The following PBRM1 variants were observed in gnomAD, a reference collection of about 807,000 sequenced individuals.
PBRM1 encodes the protein protein polybromo-1.
In PBRM1, 27 loss-of-function variants were observed where a neutral mutation model predicts 194.5. The observed-to-expected ratio is 0.14, with a 90% CI of 0.10 to 0.19. The LOEUF (loss-of-function observed/expected upper bound fraction) is 0.19, where lower values mean the gene tolerates loss of function less well. PBRM1 is among the 10% of genes least tolerant of loss of function. PBRM1 has a pLI of 1.00. For missense variants in PBRM1, 1,466 were observed against 2,077.2 expected, an observed-to-expected ratio of 0.71 and a Z score of 5.72; for synonymous variants, 655 against 693.2, an observed-to-expected ratio of 0.94 and a Z score of 0.87.
At chr3:52,683,723 CACGAGAATTGCTTGA>C (rs2097255062), upstream of PBRM1, among the ~76,000 whole-genome samples, 1 of 151,002 alleles carries the variant, frequency 6.6e-6, no homozygotes, top group Admixed American at 6.6e-5. Flanking sequence ...GAGGGTGAGG[CACGAGAATTGCTTGA>C]ACCAGAGAGG....
chr3:52,642,788 AT>A lies in PBRM1; in HGVS notation c.995+459del, dbSNP rs879552929. 6.9e-3 allele frequency among the ~76,000 whole-genome samples: 965 copies of A among 139,826 alleles called. 4 individuals are homozygous for A. Among genetic ancestry groups the A allele is most frequent in the South Asian group, 0.024 (104 of 4,354 alleles). 91.7% of individuals were successfully genotyped at this position (139,826 alleles called of 152,430 possible). A position where few individuals can be genotyped will look rare whatever the true frequency, so the allele number is the denominator to read the frequency against. On this transcript the variant is annotated intron_variant, in intron 9 of 29. Transcript: ENST00000296302. ...ATATAAGGCCTACGTTAGTAATTCA[AT>A]TTTTTTTTTTTTTTTGAGATGGAGT...
Position 52,587,527 on chromosome 3 carries a change from G to T in PBRM1, c.2966-17C>A. 1 of 1,564,208 alleles carries T rather than the reference G, an allele frequency of 6.4e-7. No individual in the cohort carries two copies. Among genetic ancestry groups the T allele is most frequent in the Non-Finnish European group, 8.7e-7 (1 of 1,152,906 alleles). On this transcript the variant is annotated splice_polypyrimidine_tract_variant and intron_variant, in intron 18 of 29. Coordinates refer to ENST00000296302, the Ensembl canonical transcript of PBRM1. The stretch of plus-strand genomic sequence containing the variant: ...ATTTTTCACCTCAAAAATGGGGGGT[G>T]GGGGAAGGGGAAGAGAAAGAGAATC...
At chr3:52,594,977 T>C (rs1213997026) in intron 17 of PBRM1, among the ~76,000 whole-genome samples, 1 of 151,278 alleles carries the variant, frequency 6.6e-6, no homozygotes, top group Non-Finnish European at 1.5e-5. Flanking sequence ...AGGTGACCTG[T>C]CATTTTTTTC....
intron 6 of PBRM1, among the ~76,000 whole-genome samples, chr3:52,651,105 T>C (rs751340895): frequency 1.3e-4 from 20 of 152,272 alleles, no homozygotes; most frequent in Admixed American, 1.0e-3. Flanking sequence ...ATGGGAATAA[T>C]AACAATACTA....
chr3:52,566,821 C>T (rs115095226), intron 22 of PBRM1, among the ~76,000 whole-genome samples: 298 of 152,288 alleles, frequency 2.0e-3, no homozygotes, highest in Admixed American at 2.8e-3. Context: ...GTAATCCTAG[C>T]ACTTTGGGAG....
intron 13 of PBRM1, chr3:52,624,922 TCTCA>T: frequency 6.5e-7 from 1 of 1,548,372 alleles, no homozygotes; most frequent in Non-Finnish European, 8.7e-7. Context: ...AGACCCAACA[TCTCA>T]CTGTCATGAG....
At chr3:52,614,510 A>G (rs1183735504) in intron 15 of PBRM1, among the ~76,000 whole-genome samples, 1 of 151,622 alleles carries the variant, frequency 6.6e-6, no homozygotes, top group Non-Finnish European at 1.5e-5. Flanking sequence ...AAGAAGACAG[A>G]AATCTCTTAT....
At chr3:52,642,130 G>C (rs1025341754) in intron 9 of PBRM1, 85 bp from the exon 11 acceptor site, 2 of 751,758 alleles carry the variant, frequency 2.7e-6, no homozygotes, top group Admixed American at 4.4e-5. Context: ...TATTAACAAA[G>C]TGTTAAGATG....
chr3:52,654,306 C>T (rs181026626), intron 5 of PBRM1, among the ~76,000 whole-genome samples: 122 of 152,290 alleles, frequency 8.0e-4, no homozygotes, highest in African/African-American at 2.5e-3. Flanking sequence ...TTTCTTAACC[C>T]TACTCCTTCC....
intron 25 of PBRM1, among the ~76,000 whole-genome samples, chr3:52,560,040 G>C (rs1020649516): frequency 2.0e-5 from 3 of 152,008 alleles, no homozygotes; most frequent in Non-Finnish European, 1.5e-5. Flanking sequence ...AACATCAAAA[G>C]TTCAGATTTT....
chr3:52,677,923 T>C (rs1485529628), intron 2 of PBRM1, among the ~76,000 whole-genome samples: 2 of 152,124 alleles, frequency 1.3e-5, no homozygotes, highest in East Asian at 1.9e-4. Flanking sequence ...CAGGTTGGAG[T>C]GCAGTGACAC....
At chr3:52,575,943 A>C (rs1264794669) in intron 22 of PBRM1, among the ~76,000 whole-genome samples, 1 of 152,170 alleles carries the variant, frequency 6.6e-6, no homozygotes, top group Non-Finnish European at 1.5e-5. Flanking sequence ...ACAATAACTG[A>C]AATGAAAAAT....
intron 13 of PBRM1, among the ~76,000 whole-genome samples, chr3:52,622,122 C>T (rs1169249482): frequency 1.3e-5 from 2 of 151,594 alleles, no homozygotes; most frequent in East Asian, 3.9e-4. Flanking sequence ...GGCAGATCAC[C>T]TAAGGTCAGG....
In PBRM1 at chr3:52,662,675, A is replaced by C. The variant is rs570767792; in HGVS notation, c.385-399T>G. Among the ~76,000 whole-genome samples, 11 of 152,194 alleles carry C rather than the reference A, an allele frequency of 7.2e-5. No homozygotes were observed. The East Asian group carries it at 1.9e-3, about 27-fold the overall frequency. ...ACCCCGTCTCTACTAAAAATACAAAAATTAGCTGGGCGTGGTGGTACGCAC... is the reference window on the plus strand; with the variant it reads ...ACCCCGTCTCTACTAAAAATACAAACATTAGCTGGGCGTGGTGGTACGCAC... On this transcript the variant is annotated intron_variant, in intron 3 of 29. Transcript: ENST00000296302.
chr3:52,599,825 A>AT lies in PBRM1; in HGVS notation c.2779+3695dup, dbSNP rs1430374597. Among the ~76,000 whole-genome samples, 4 of 151,288 alleles carry AT rather than the reference A, an allele frequency of 2.6e-5. No homozygotes were observed. The East Asian group carries it at 7.7e-4, about 29-fold the overall frequency. ...AGCCTGGGCAACAGAGTGAGACTCC[A>AT]TCTCAAAAAAAAAAAAAATTTTTTT... On this transcript the variant is annotated intron_variant, in intron 17 of 29. Transcript: ENST00000296302.
chr3:52,633,215 A>T (rs1469223079), intron 11 of PBRM1, among the ~76,000 whole-genome samples: 3 of 151,892 alleles, frequency 2.0e-5, no homozygotes, highest in Non-Finnish European at 2.9e-5. Context: ...GTTCTGGATC[A>T]GCGTCTATGT....
intron 16 of PBRM1, among the ~76,000 whole-genome samples, chr3:52,606,044 G>C (rs62253731): frequency 3.3e-5 from 5 of 152,040 alleles, no homozygotes; most frequent in Non-Finnish European, 5.9e-5. Context: ...CTGCTGCCCA[G>C]GCTGGAGTAC....
intron 17 of PBRM1, among the ~76,000 whole-genome samples, chr3:52,590,055 C>T (rs376082565): frequency 5.7e-4 from 86 of 151,956 alleles, no homozygotes; most frequent in Middle Eastern, 6.8e-3. Context: ...CTCGATCTCT[C>T]GACCTGAGAT....
chr3:52,636,112 C>T (rs1445303534), intron 10 of PBRM1, among the ~76,000 whole-genome samples: 1 of 151,926 alleles, frequency 6.6e-6, no homozygotes, highest in African/African-American at 2.4e-5. Context: ...ACCTCGTGAT[C>T]TGCCCGCCTC....
Sources: allele counts gnomAD v4.1 joint callset (sites outside exome capture counted in the v4.1 genomes callset), GRCh38; gene constraint gnomAD v4.1.1; transcripts MANE v1.5; gene names NCBI Gene and HGNC (gene_info 2026-07-23, HGNC 2026-07-21).